LDLRAD4: variants seen among roughly 807,000 people sequenced by gnomAD.
LDLRAD4 encodes low density lipoprotein receptor class A domain containing 4, also known as low-density lipoprotein receptor class A domain-containing protein 4.
Under a neutral mutation model 17.0 loss-of-function variants are expected in LDLRAD4, and 5 were observed. That is an observed-to-expected ratio of 0.29 (90% CI 0.15 to 0.62). LDLRAD4 has a LOEUF of 0.62. LDLRAD4 is among the 20% of genes least tolerant of loss of function. The pLI, the probability that LDLRAD4 is intolerant of heterozygous loss-of-function variation, is 0.84. For synonymous variants in LDLRAD4, 168 were observed against 171.8 expected, an observed-to-expected ratio of 0.98 and a Z score of 0.17; for missense variants, 340 against 424.7, an observed-to-expected ratio of 0.80 and a Z score of 1.75.
At chr18:13,405,352 C>T (rs1268729445) in intron 2 of LDLRAD4, among the ~76,000 whole-genome samples, 1 of 151,980 alleles carries the variant, frequency 6.6e-6, no homozygotes, top group Non-Finnish European at 1.5e-5. Flanking sequence ...GACACTGAAC[C>T]CAGGCCCTTA....
intron 4 of LDLRAD4, among the ~76,000 whole-genome samples, chr18:13,628,952 T>G (rs2041414960): frequency 6.6e-6 from 1 of 152,198 alleles, no homozygotes; most frequent in African/African-American, 2.4e-5. Flanking sequence ...TGCCTCAGCC[T>G]CCTGCGTAGC....
At chr18:13,613,649 A>G (rs1276692155) in intron 3 of LDLRAD4, 1 of 152,224 alleles carries the variant, frequency 6.6e-6, no homozygotes, top group African/African-American at 2.4e-5. Flanking sequence ...CGTGGTGAGA[A>G]GTAATTGTAG....
chr18:13,406,771 TCC>T (rs1276637431), intron 2 of LDLRAD4, among the ~76,000 whole-genome samples: 1 of 152,044 alleles, frequency 6.6e-6, no homozygotes, highest in African/African-American at 2.4e-5. Context: ...AGCACAGTGG[TCC>T]CCTCATGCAC....
At chr18:13,510,264 G>A (rs370114884) in intron 3 of LDLRAD4, among the ~76,000 whole-genome samples, 1 of 152,134 alleles carries the variant, frequency 6.6e-6, no homozygotes, top group African/African-American at 2.4e-5. Context: ...AATGGAAGAG[G>A]TAATATGTTT....
intron 3 of LDLRAD4, among the ~76,000 whole-genome samples, chr18:13,580,166 C>A (rs1230921989): frequency 1.3e-5 from 2 of 152,202 alleles, no homozygotes; most frequent in Non-Finnish European, 2.9e-5. Flanking sequence ...TTATTCTGTG[C>A]CTCGTGCATA....
intron 3 of LDLRAD4, among the ~76,000 whole-genome samples, chr18:13,444,767 T>TG (rs997956019): frequency 1.3e-5 from 2 of 152,230 alleles, no homozygotes; most frequent in Non-Finnish European, 2.9e-5. Context: ...GGCATGGCCC[T>TG]GTAAATATTT....
chr18:13,642,372 C>G, intron 4 of LDLRAD4: 1 of 1,028,528 alleles, frequency 9.7e-7, no homozygotes, highest in South Asian at 4.6e-5. Context: ...CAGCCACACT[C>G]TGGGCTGAAA....
intron 1 of LDLRAD4, among the ~76,000 whole-genome samples, chr18:13,324,223 C>T (rs1237242030): frequency 6.6e-6 from 1 of 151,180 alleles, no homozygotes; most frequent in African/African-American, 2.4e-5. Context: ...CTGCAAGCTC[C>T]GCCTCCCGGG....
At chr18:13,228,575 G>A (rs971713252) in intron 1 of LDLRAD4, among the ~76,000 whole-genome samples, 3 of 152,146 alleles carry the variant, frequency 2.0e-5, no homozygotes, top group Non-Finnish European at 4.4e-5. Flanking sequence ...TGGTTGGCTC[G>A]GTTGAACATT....
upstream of LDLRAD4, chr18:13,217,827 C>A (rs1396142350): frequency 6.6e-6 from 1 of 151,540 alleles, no homozygotes; most frequent in Non-Finnish European, 1.5e-5. This position sits in a 1 kb window ranked among gnomAD's most constrained non-coding sequence, Gnocchi z 4.9. Flanking sequence ...GGCCGGGGAT[C>A]CCCTGCAAGC....
chr18:13,530,079 G>A (rs902113511), intron 3 of LDLRAD4, among the ~76,000 whole-genome samples: 5 of 152,256 alleles, frequency 3.3e-5, no homozygotes, highest in East Asian at 1.9e-4. Context: ...AACACTGCCC[G>A]ATCATAAAAT....
chr18:13,513,139 C>A (rs1483975971), intron 3 of LDLRAD4, among the ~76,000 whole-genome samples: 2 of 152,192 alleles, frequency 1.3e-5, no homozygotes, highest in African/African-American at 2.4e-5. Flanking sequence ...ATCATGTCAT[C>A]CAGCCTGCCC....
At chr18:13,220,371 C>T (rs370133847) in intron 1 of LDLRAD4, among the ~76,000 whole-genome samples, 1 of 152,152 alleles carries the variant, frequency 6.6e-6, no homozygotes, top group Admixed American at 6.5e-5. Flanking sequence ...GGTCCTGGTT[C>T]GTGTAGGTTT....
intron 4 of LDLRAD4, among the ~76,000 whole-genome samples, chr18:13,623,033 G>T (rs1417337935): frequency 6.6e-6 from 1 of 152,144 alleles, no homozygotes; most frequent in Non-Finnish European, 1.5e-5. Context: ...TCTGTTCCTG[G>T]TGCAGACCCA....
At chr18:13,599,900 C>A (rs1417490573) in intron 3 of LDLRAD4, among the ~76,000 whole-genome samples, 1 of 152,140 alleles carries the variant, frequency 6.6e-6, no homozygotes, top group East Asian at 1.9e-4. Context: ...ATACAGCAAA[C>A]CTTTCTTTTA....
intron 3 of LDLRAD4, among the ~76,000 whole-genome samples, chr18:13,536,852 A>G (rs938213847): frequency 6.6e-6 from 1 of 152,144 alleles, no homozygotes; most frequent in Non-Finnish European, 1.5e-5. Context: ...AAATTTGTCA[A>G]ATACTTTTTC....
At chr18:13,609,921 G>A (rs548864111) in intron 3 of LDLRAD4, among the ~76,000 whole-genome samples, 29 of 152,286 alleles carry the variant, frequency 1.9e-4, no homozygotes, top group African/African-American at 7.0e-4. Flanking sequence ...GACAGAGGTT[G>A]CAGTAATCAG....
At chr18:13,331,143 C>T (rs900497355) in intron 1 of LDLRAD4, among the ~76,000 whole-genome samples, 5 of 152,198 alleles carry the variant, frequency 3.3e-5, no homozygotes, top group African/African-American at 7.2e-5. Context: ...GTGGGAATCC[C>T]GATTTATAGC....
intron 3 of LDLRAD4, among the ~76,000 whole-genome samples, chr18:13,602,743 C>T (rs1335775873): frequency 2.0e-5 from 3 of 151,362 alleles, no homozygotes; most frequent in African/African-American, 7.3e-5. Flanking sequence ...CCACTGTGCC[C>T]GGCCTAATTT....
Sources: gnomAD v4.1 joint callset for allele counts (sites outside exome capture counted in the v4.1 genomes callset) on GRCh38, gnomAD v4.1.1 for gene constraint, Gnocchi (gnomAD v3.1) non-coding constraint, MANE v1.5 for transcripts, NCBI Gene and HGNC (gene_info 2026-07-23, HGNC 2026-07-21) for gene names.